Variants in APLF observed in about 807,000 individuals in gnomAD.
APLF encodes the protein aprataxin and PNK-like factor.
Under a neutral mutation model 55.6 loss-of-function variants are expected in APLF, and 61 were observed. The observed-to-expected ratio is 1.10, with a 90% CI of 0.89 to 1.36. The LOEUF is 1.36. Ranked by LOEUF, APLF falls within the 40% of genes most tolerant of loss-of-function variation. The pLI, the probability that APLF is intolerant of heterozygous loss-of-function variation, is 0.00. For missense variants in APLF, 611 were observed against 602.5 expected (o/e 1.01, Z -0.15); for synonymous variants, 207 against 214.8 (o/e 0.96, Z 0.32).
intron 1 of APLF, among the ~76,000 whole-genome samples, chr2:68,474,531 A>G (rs909790383): frequency 2.0e-5 from 3 of 152,226 alleles, no homozygotes; most frequent in African/African-American, 4.8e-5. Context: ...ACAATTATAT[A>G]TATCTTCCCC....
intron 6 of APLF, among the ~76,000 whole-genome samples, chr2:68,537,166 A>G (rs1670415390): frequency 6.9e-6 from 1 of 144,304 alleles, no homozygotes; most frequent in Non-Finnish European, 1.5e-5. Context: ...CTCCATCTCA[A>G]AAAAAAAAAA....
At chr2:68,536,221 T>C (rs1283607061) in intron 6 of APLF, among the ~76,000 whole-genome samples, 1 of 152,184 alleles carries the variant, frequency 6.6e-6, no homozygotes, top group Non-Finnish European at 1.5e-5. Flanking sequence ...ATGACATGAA[T>C]GTTGCCAGTG....
chr2:68,566,296 ATATAT>A (rs1671308593), intron 8 of APLF, among the ~76,000 whole-genome samples: 2 of 152,034 alleles, frequency 1.3e-5, no homozygotes, highest in South Asian at 2.1e-4. Flanking sequence ...GCCCTAAAAG[ATATAT>A]TATAAGGAGT....
intron 2 of APLF, among the ~76,000 whole-genome samples, chr2:68,500,861 A>T (rs753050478): frequency 6.6e-5 from 10 of 152,214 alleles, no homozygotes; most frequent in Non-Finnish European, 1.5e-4. Flanking sequence ...TCAATTTGTC[A>T]TGTGCTTGTT....
intron 6 of APLF, among the ~76,000 whole-genome samples, chr2:68,537,130 A>G (rs1481785915): frequency 6.6e-6 from 1 of 150,536 alleles, no homozygotes; most frequent in African/African-American, 2.4e-5. Flanking sequence ...GTGCCACCAC[A>G]CTCCAGGTTG....
intron 1 of APLF, among the ~76,000 whole-genome samples, chr2:68,484,332 G>A (rs938359109): frequency 6.6e-6 from 1 of 152,032 alleles, no homozygotes; most frequent in Admixed American, 6.6e-5. Context: ...GATCCACATG[G>A]TATCACTACA....
intron 7 of APLF, among the ~76,000 whole-genome samples, chr2:68,543,138 T>G (rs1670605271): frequency 6.6e-6 from 1 of 152,034 alleles, no homozygotes; most frequent in South Asian, 2.1e-4. Flanking sequence ...CCAGTGCCTG[T>G]GGGGAAAAAC....
chr2:68,513,812 T>C (rs1669488665), intron 5 of APLF, 132 bp downstream of exon 5: 1 of 984,614 alleles, frequency 1.0e-6, no homozygotes, highest in Admixed American at 3.0e-5. Flanking sequence ...TAGCCTAGCC[T>C]AGTTTTTTTA....
Position 68,517,134 on chromosome 2 carries a change from C to T in APLF, c.622+3454C>T, listed in dbSNP as rs13006675. On this transcript the variant is annotated intron_variant, in intron 5 of 9. Coordinates refer to ENST00000303795, the MANE Select transcript of APLF (RefSeq NM_173545.3). ...ATAATAATACGTTATTGATCTATAA[C>T]ATATTAATATATGTTATTGATATAT... 2.0e-3 allele frequency among the ~76,000 whole-genome samples: 240 copies of T among 122,204 alleles called. 1 individual carries two copies. Among genetic ancestry groups the T allele is most frequent in the Admixed American group, 5.2e-3 (56 of 10,788 alleles). The allele number at this position is 122,204 out of a possible 152,430, so 80.2% of individuals were successfully genotyped here. A position where few individuals can be genotyped will look rare whatever the true frequency, so the allele number is the denominator to read the frequency against.
chr2:68,467,659 C>T lies in APLF; in HGVS notation c.-73C>T. ...TTTTTCCCAGGGCGTGGGCTTGCCC[C>T]GCGCGTGTCTGTGGAGGGCGGAAAC... On this transcript the variant is annotated 5_prime_UTR_variant, in exon 1 of 10. Transcript: ENST00000303795. The T allele has an allele frequency of 8.5e-7, 1 of 1,178,428 alleles. No homozygotes were observed. The highest frequency in any genetic ancestry group is 1.1e-6 in the Non-Finnish European group (1 of 937,192). 73.0% of individuals were successfully genotyped at this position (1,178,428 alleles called of 1,614,324 possible).
intron 1 of APLF, among the ~76,000 whole-genome samples, chr2:68,473,662 T>C (rs1675688166): frequency 6.6e-6 from 1 of 152,206 alleles, no homozygotes; most frequent in African/African-American, 2.4e-5. Context: ...TCACTGGACA[T>C]CCTTATCAAC....
chr2:68,519,100 A>G (rs965663364), intron 5 of APLF, among the ~76,000 whole-genome samples: 20 of 132,384 alleles, frequency 1.5e-4, no homozygotes, highest in Non-Finnish European at 2.7e-4. Flanking sequence ...AATATATAAT[A>G]ATATAATATA....
chr2:68,493,610 G>A (rs1469385524), intron 2 of APLF, among the ~76,000 whole-genome samples: 1 of 152,152 alleles, frequency 6.6e-6, no homozygotes, highest in African/African-American at 2.4e-5. Context: ...ATTGGAACAC[G>A]TAATTAGGCC....
intron 1 of APLF, among the ~76,000 whole-genome samples, chr2:68,488,504 T>G (rs1486752659): frequency 1.3e-5 from 2 of 151,806 alleles, no homozygotes; most frequent in Admixed American, 1.3e-4. Context: ...TCCAGCTAAT[T>G]TTTTACTTTA....
chr2:68,519,589 C>T (rs960745583), intron 5 of APLF, among the ~76,000 whole-genome samples: 9 of 149,818 alleles, frequency 6.0e-5, no homozygotes, highest in Admixed American at 1.3e-4. Context: ...TACGATTCCC[C>T]ATTTCCTTCC....
chr2:68,577,637 G>T (rs1370549509), intron 9 of APLF, among the ~76,000 whole-genome samples, 183 bp from the exon 10 acceptor site: 2 of 152,070 alleles, frequency 1.3e-5, no homozygotes, highest in African/African-American at 4.8e-5. Flanking sequence ...CCTCATGGTA[G>T]GAAAAGTTAG....
intron 2 of APLF, among the ~76,000 whole-genome samples, chr2:68,497,998 A>G (rs1439841178): frequency 2.7e-5 from 4 of 146,488 alleles, no homozygotes; most frequent in African/African-American, 1.1e-4. Context: ...AAATAGATTG[A>G]TGTATTTATT....
At chr2:68,496,586 T>C (rs1676555897) in intron 2 of APLF, among the ~76,000 whole-genome samples, 1 of 152,240 alleles carries the variant, frequency 6.6e-6, no homozygotes, top group Non-Finnish European at 1.5e-5. Context: ...ATTTCTTTGC[T>C]TATGTGTTTG....
intron 2 of APLF, among the ~76,000 whole-genome samples, chr2:68,497,010 C>T (rs1439806071): frequency 1.3e-5 from 2 of 152,182 alleles, no homozygotes; most frequent in African/African-American, 2.4e-5. Flanking sequence ...ATCTTCATAG[C>T]AATGTCCCAA....
Sources: allele counts gnomAD v4.1 joint callset (sites outside exome capture counted in the v4.1 genomes callset), GRCh38; gene constraint gnomAD v4.1.1; transcripts MANE v1.5; gene names NCBI Gene and HGNC (gene_info 2026-07-23, HGNC 2026-07-21).